Variants in DIDO1 observed in about 807,000 individuals in gnomAD.
DIDO1 encodes the protein death inducer-obliterator 1, also known as death-inducer obliterator 1.
A neutral mutation model predicts 99.4 loss-of-function variants in DIDO1; 16 were observed. The observed-to-expected ratio is 0.16, with a 90% confidence interval of 0.11 to 0.24. The LOEUF (loss-of-function observed/expected upper bound fraction) is 0.24, where lower values mean the gene tolerates loss of function less well. Among genes scored for constraint, DIDO1 ranks in the 10% least tolerant of loss-of-function variants. The pLI is 1.00. For missense variants in DIDO1, 2,996 were observed against 3,014.0 expected, an observed-to-expected ratio of 0.99 and a Z score of 0.14; for synonymous variants, 1,366 against 1,239.1, an observed-to-expected ratio of 1.10 and a Z score of -2.15.
chr20:62,897,640 T>C (rs2064566862), intron 6 of DIDO1, among the ~76,000 whole-genome samples: 1 of 152,252 alleles, frequency 6.6e-6, no homozygotes, highest in Non-Finnish European at 1.5e-5. Context: ...GCCCTCAGGC[T>C]GTAATTCCAT....
At chr20:62,923,792 G>A (rs1427532831) in intron 1 of DIDO1, among the ~76,000 whole-genome samples, 1 of 152,166 alleles carries the variant, frequency 6.6e-6, no homozygotes, top group Admixed American at 6.6e-5. Context: ...CCACTTAAAT[G>A]TCTATATCAG....
intron 6 of DIDO1, among the ~76,000 whole-genome samples, chr20:62,900,408 G>A (rs1438253955): frequency 6.6e-6 from 1 of 152,258 alleles, no homozygotes; most frequent in Non-Finnish European, 1.5e-5. Flanking sequence ...TGGCTTGGGT[G>A]CTACAGCGCC....
intron 12 of DIDO1, 77 bp downstream of exon 12, chr20:62,893,589 T>G: frequency 2.1e-6 from 3 of 1,459,494 alleles, no homozygotes; most frequent in Non-Finnish European, 2.8e-6. Flanking sequence ...GTTCAACTAT[T>G]TAATCACCAG....
chr20:62,881,695 G>A lies in DIDO1; in HGVS notation c.4261C>T (p.Arg1421Trp), dbSNP rs374108825. Residue 1421 changes from arginine to tryptophan, a missense_variant, in exon 16 of 16, where the codon CGG becomes TGG. By Grantham distance (101) the Arg-to-Trp change is moderately radical (BLOSUM62 -3). Coordinates refer to ENST00000395343, the MANE Select transcript of DIDO1 (RefSeq NM_001193369.2). The surrounding 1 kb of genome is among the most constrained non-coding windows in gnomAD (Gnocchi z 8.3). ...TCGGGGTCATAGGCCACCTCTTCCC[G>A]CTCGGCTGCAGCTGCTTCAGGAGCC... ...ERAPEAAAAE[R>W]EEVAYDPEDE... is the part of the protein sequence containing the mutation. 21 of 1,612,604 alleles carry A rather than the reference G, an allele frequency of 1.3e-5. No homozygotes were observed. The highest frequency in any genetic ancestry group is 6.7e-5 in the African/African-American group (5 of 74,888).
intron 1 of DIDO1, among the ~76,000 whole-genome samples, chr20:62,936,351 G>A (rs2065383627): frequency 6.6e-6 from 1 of 151,484 alleles, no homozygotes; most frequent in Non-Finnish European, 1.5e-5. Context: ...TCAGGAGTTC[G>A]AGACCAGCCT....
intron 1 of DIDO1, among the ~76,000 whole-genome samples, chr20:62,920,427 A>C (rs2065115834): frequency 6.6e-6 from 1 of 152,152 alleles, no homozygotes; most frequent in Admixed American, 6.5e-5. Flanking sequence ...TGTGTAGGGC[A>C]CTTTGAGGGA....
intron 15 of DIDO1, chr20:62,888,712 C>A: frequency 1.0e-6 from 1 of 985,482 alleles, no homozygotes. Context: ...AAAGCCAGGA[C>A]ACACATGTAC....
chr20:62,885,827 C>T (rs554314326), intron 15 of DIDO1, among the ~76,000 whole-genome samples: 3 of 152,368 alleles, frequency 2.0e-5, no homozygotes, highest in Admixed American at 6.5e-5. Flanking sequence ...CAGTGCACTT[C>T]GCCTGGCTGG....
Position 62,879,075 on chromosome 20 carries a change from T to C in DIDO1, c.*158A>G. 1 of 587,774 alleles carries C rather than the reference T, an allele frequency of 1.7e-6. No homozygotes were observed. Among genetic ancestry groups the C allele is most frequent in the Non-Finnish European group, 2.6e-6 (1 of 378,362 alleles). 36.4% of individuals were successfully genotyped at this position (587,774 alleles called of 1,614,324 possible). On this transcript the variant is annotated 3_prime_UTR_variant, in exon 16 of 16. Coordinates refer to ENST00000395343, the MANE Select transcript of DIDO1 (RefSeq NM_001193369.2). This position sits in a 1 kb window ranked among gnomAD's most constrained non-coding sequence, Gnocchi z 6.3. The stretch of plus-strand genomic sequence containing the variant: ...TAAAAAAGCATCAGAATTGTAAAGA[T>C]GTGAAATCTTGTAAGAAACCATTTA...
In DIDO1 at chr20:62,894,425, T is replaced by C; in HGVS notation, c.2560A>G (p.Lys854Glu). Reference protein sequence around the residue: ...HRAHLFDLNCKICTGQVPSAE... With the variant: ...HRAHLFDLNCEICTGQVPSAE... ...GCACTGTGCTCACCTGTGCAAATTT[T>C]ACAGTTGAGATCGAAGAGGTGTGCG... The change falls in exon 11 of 16, where the codon AAA becomes GAA. Residue 854 changes from lysine (K) to glutamate (E), a missense_variant. By Grantham distance (56) the Lys-to-Glu change is moderately conservative. This residue lies in a region of DIDO1 where 898 missense variants were observed against 972.7 expected (regional missense o/e 0.92). Coordinates refer to ENST00000395343, the MANE Select transcript of DIDO1 (RefSeq NM_001193369.2). The surrounding 1 kb of genome is among the most constrained non-coding windows in gnomAD (Gnocchi z 4.4). 1 of 1,612,532 alleles carries C rather than the reference T, an allele frequency of 6.2e-7. No individual in the cohort carries two copies. Among genetic ancestry groups the C allele is most frequent in the South Asian group, 1.1e-5 (1 of 91,088 alleles).
intron 1 of DIDO1, among the ~76,000 whole-genome samples, chr20:62,914,965 CA>C (rs1342623795): frequency 1.3e-5 from 2 of 152,134 alleles, no homozygotes; most frequent in African/African-American, 4.8e-5. Flanking sequence ...GTTTAAGAAA[CA>C]ATTCTCTTGT....
intron 1 of DIDO1, among the ~76,000 whole-genome samples, chr20:62,921,818 T>C (rs1010817551): frequency 6.6e-6 from 1 of 150,932 alleles, no homozygotes; most frequent in African/African-American, 2.4e-5. Flanking sequence ...TGTGTGTATA[T>C]CCACAATATA....
Position 62,911,348 on chromosome 20 carries a change from T to C in DIDO1, c.265A>G (p.Met89Val), listed in dbSNP as rs2064934851. 1 of 1,609,290 alleles carries C rather than the reference T, an allele frequency of 6.2e-7. No individual in the cohort carries two copies. Among genetic ancestry groups the C allele is most frequent in the South Asian group, 1.1e-5 (1 of 91,072 alleles). ...CCAGAATCCTCCAGGGAGACAGGCA[T>C]GCTCCTCCTGCCGCGGCGCCGCGCA... ...TIARRRGRRS[M>V]PVSLEDSGEP... Residue 89 changes from methionine (M) to valine (V), a missense_variant, in exon 3 of 16, where the codon ATG becomes GTG. Physicochemically the swap from Met to Val is conservative, Grantham distance 21 (BLOSUM62 1). Coordinates refer to ENST00000395343, the MANE Select transcript of DIDO1 (RefSeq NM_001193369.2). The surrounding 1 kb of genome is among the most constrained non-coding windows in gnomAD (Gnocchi z 7.0).
intron 6 of DIDO1, among the ~76,000 whole-genome samples, chr20:62,897,291 A>G (rs942691895): frequency 2.3e-4 from 35 of 152,376 alleles, no homozygotes; most frequent in Admixed American, 2.0e-3. Flanking sequence ...CTTGCGCACT[A>G]GCTAAGCTTC....
intron 1 of DIDO1, among the ~76,000 whole-genome samples, chr20:62,924,589 C>T (rs2065217770): frequency 2.0e-5 from 3 of 152,256 alleles, no homozygotes; most frequent in African/African-American, 7.2e-5. Flanking sequence ...CCAACTTCAC[C>T]GCGAACAAAA....
upstream of DIDO1, among the ~76,000 whole-genome samples, chr20:62,931,254 A>G (rs1363071752): frequency 6.6e-6 from 1 of 152,108 alleles, no homozygotes; most frequent in African/African-American, 2.4e-5. Context: ...GTATTTCTAT[A>G]TCTTCTGCTA....
At position 62,882,220 on chromosome 20, in the gene DIDO1, G is replaced by A; in HGVS notation, c.3736C>T (p.Leu1246Phe). Residue 1246 changes from leucine (L) to phenylalanine (F), a missense_variant, in exon 16 of 16, where the codon CTC becomes TTC. By Grantham distance (22) the Leu-to-Phe change is conservative. Transcript: ENST00000395343. ...CTGACAGCCGCGTCTGCAGAGCAGA[G>A]TGGATACTTGGAGGGCTTCTTTTCC... ...QSEKKPSKYP[L>F]CSADAAVSTT... The A allele has an allele frequency of 6.2e-7, 1 of 1,613,778 alleles. No individual in the cohort carries two copies.
intron 12 of DIDO1, 101 bp downstream of exon 12, chr20:62,893,565 G>A: frequency 7.4e-7 from 1 of 1,357,474 alleles, no homozygotes; most frequent in Non-Finnish European, 9.9e-7. Context: ...CTGTATTTCA[G>A]GTTACATTTC....
intron 12 of DIDO1, among the ~76,000 whole-genome samples, chr20:62,893,250 TC>T (rs1392660391): frequency 6.6e-6 from 1 of 152,182 alleles, no homozygotes; most frequent in Non-Finnish European, 1.5e-5. Context: ...GGTTTCAAAC[TC>T]CTGGGCTCAA....
Sources: gnomAD v4.1 joint callset for allele counts (sites outside exome capture counted in the v4.1 genomes callset) on GRCh38, gnomAD v4.1.1 for gene constraint, gnomAD v4.1.1 regional missense constraint, Gnocchi (gnomAD v3.1) non-coding constraint, MANE v1.5 for transcripts, NCBI Gene and HGNC (gene_info 2026-07-23, HGNC 2026-07-21) for gene names.